The following MAP3K20 variants were observed in gnomAD, a reference collection of about 807,000 sequenced individuals.
The protein encoded by MAP3K20 is HCCS-4.
In MAP3K20, 40 loss-of-function variants were observed where a neutral mutation model predicts 85.7. The observed-to-expected ratio is 0.47, with a 90% CI of 0.36 to 0.61. The LOEUF is 0.61. MAP3K20 is among the 20% of genes least tolerant of loss of function. The pLI, the probability that MAP3K20 is intolerant of heterozygous loss-of-function variation, is 0.00. For synonymous variants in MAP3K20, 325 were observed against 327.7 expected, an observed-to-expected ratio of 0.99 and a Z score of 0.09; for missense variants, 817 against 961.7, an observed-to-expected ratio of 0.85 and a Z score of 1.99.
intron 12 of MAP3K20, 98 bp from the exon 13 acceptor site, chr2:173,232,094 A>T: frequency 7.0e-7 from 1 of 1,437,668 alleles, no homozygotes; most frequent in Admixed American, 1.8e-5. Flanking sequence ...CCAGGAATTA[A>T]AGTTATTTTG....
intron 2 of MAP3K20, among the ~76,000 whole-genome samples, chr2:173,120,701 C>CTT (rs56084110): frequency 0.034 from 1,647 of 48,856 alleles, 56 homozygotes; most frequent in East Asian, 0.04. Flanking sequence ...ACTCTCACTT[C>CTT]TTTTTTTTTT....
chr2:173,134,428 A>ATATATATT (rs56330241), intron 2 of MAP3K20, among the ~76,000 whole-genome samples: 2 of 3,156 alleles, frequency 6.3e-4, no homozygotes, highest in African/African-American at 1.0e-3. Context: ...ATATATATAT[A>ATATATATT]TTTTTTTTTT....
intron 14 of MAP3K20, 60 bp from the exon 15 acceptor site, chr2:173,238,313 A>G: frequency 6.9e-7 from 1 of 1,446,648 alleles, no homozygotes; most frequent in Non-Finnish European, 9.6e-7. Flanking sequence ...GTACCCAATG[A>G]TTTTAGTCTT....
intron 2 of MAP3K20, among the ~76,000 whole-genome samples, chr2:173,155,697 A>G (rs1018417047): frequency 2.0e-5 from 3 of 152,106 alleles, no homozygotes; most frequent in Non-Finnish European, 4.4e-5. Flanking sequence ...ATACTTAGAG[A>G]TTGGTAGCAT....
intron 2 of MAP3K20, among the ~76,000 whole-genome samples, chr2:173,149,091 T>C (rs6735275): frequency 0.29 from 43,984 of 152,188 alleles, 6,698 homozygotes; most frequent in African/African-American, 0.36. Context: ...TAGAAATATT[T>C]ATAATGATAG....
intron 9 of MAP3K20, among the ~76,000 whole-genome samples, chr2:173,205,609 G>C (rs1683659052): frequency 6.6e-6 from 1 of 152,168 alleles, no homozygotes; most frequent in South Asian, 2.1e-4. Context: ...TAACTTGGAA[G>C]AATTTGTTGC....
At chr2:173,091,246 T>C in intron 2 of MAP3K20, 56 bp downstream of exon 2, 2 of 1,572,036 alleles carry the variant, frequency 1.3e-6, no homozygotes, top group African/African-American at 2.7e-5. Context: ...GTAAGCTTTT[T>C]CAACCTCGAG....
At chr2:173,222,204 TCAAAAAA>T (rs1181763215) in intron 11 of MAP3K20, 1 of 955,472 alleles carries the variant, frequency 1.0e-6, no homozygotes, top group African/African-American at 1.8e-5. Flanking sequence ...AGATCCTGTC[TCAAAAAA>T]CAAAAAAAAG....
At chr2:173,105,446 G>A (rs1687758145) in intron 2 of MAP3K20, among the ~76,000 whole-genome samples, 1 of 152,074 alleles carries the variant, frequency 6.6e-6, no homozygotes, top group Non-Finnish European at 1.5e-5. Context: ...GTTCTTTTTT[G>A]ATACAAACAA....
At chr2:173,172,943 G>T (rs535733219) in intron 3 of MAP3K20, among the ~76,000 whole-genome samples, 185 of 151,976 alleles carry the variant, frequency 1.2e-3, no homozygotes, top group Non-Finnish European at 1.0e-4. Context: ...GACTACAGGC[G>T]TGCGCCACCA....
intron 7 of MAP3K20, among the ~76,000 whole-genome samples, chr2:173,193,892 A>C (rs1214475070): frequency 6.6e-6 from 1 of 152,180 alleles, no homozygotes; most frequent in Non-Finnish European, 1.5e-5. Flanking sequence ...AATGCTTAAC[A>C]AACCATCCTA....
At chr2:173,219,837 G>C (rs187421236) in intron 11 of MAP3K20, among the ~76,000 whole-genome samples, 1 of 152,082 alleles carries the variant, frequency 6.6e-6, no homozygotes, top group African/African-American at 2.4e-5. Context: ...GGGAGGCTGA[G>C]GGGGGTGGAT....
intron 16 of MAP3K20, among the ~76,000 whole-genome samples, chr2:173,241,723 T>A (rs1037342145): frequency 6.6e-6 from 1 of 152,200 alleles, no homozygotes; most frequent in African/African-American, 2.4e-5. Context: ...TATGCAAGAA[T>A]GTGTCTTGCC....
In MAP3K20 at chr2:173,090,578, G is replaced by A. The variant is rs906211581; in HGVS notation, c.-34-420G>A. On this transcript the variant is annotated intron_variant, in intron 1 of 19. Coordinates refer to ENST00000375213, the MANE Select transcript of MAP3K20 (RefSeq NM_016653.3). Reference sequence around the variant, plus strand: ...TGTGTATATTTTGTGTGAAGTGAGTGCAGCGTGGAGAGGTGGCATGCCTCA... The same window carrying A: ...TGTGTATATTTTGTGTGAAGTGAGTACAGCGTGGAGAGGTGGCATGCCTCA... 8 of 977,380 alleles carry A rather than the reference G, an allele frequency of 8.2e-6. No homozygotes were observed. In the African/African-American group the frequency reaches 1.4e-4, roughly 17 times the overall value. 60.5% of individuals were successfully genotyped at this position (977,380 alleles called of 1,614,324 possible).
chr2:173,179,597 G>C (rs538019332), intron 3 of MAP3K20, among the ~76,000 whole-genome samples: 2 of 152,054 alleles, frequency 1.3e-5, no homozygotes, highest in South Asian at 4.2e-4. Flanking sequence ...GAAGGTTTTA[G>C]CCAGTGTGAT....
chr2:173,078,055 A>G (rs1686913725), intron 1 of MAP3K20, among the ~76,000 whole-genome samples: 2 of 152,366 alleles, frequency 1.3e-5, no homozygotes, highest in South Asian at 4.1e-4. Flanking sequence ...TCATCAGAGA[A>G]AACACTGAAA....
At chr2:173,256,547 A>AGACAGACC (rs1168204857) in intron 16 of MAP3K20, among the ~76,000 whole-genome samples, 8 of 151,458 alleles carry the variant, frequency 5.3e-5, no homozygotes, top group African/African-American at 2.0e-4. Context: ...ACAGACAGAC[A>AGACAGACC]GATAGAGAGA....
chr2:173,197,003 G>T (rs1340227493), intron 7 of MAP3K20, among the ~76,000 whole-genome samples: 1 of 151,930 alleles, frequency 6.6e-6, no homozygotes. Flanking sequence ...ATAAAATAAG[G>T]GTAAGATGTA....
At position 173,086,834 on chromosome 2, in the gene MAP3K20, T is replaced by C. The variant is rs567147802; in HGVS notation, c.-34-4164T>C. ...TCATCCTGCTTCAGACCTCTGCCTT[T>C]GTTTTGGAAAGGATTTCTCTACTCC... On this transcript the variant is annotated intron_variant, in intron 1 of 19. Coordinates refer to ENST00000375213, the MANE Select transcript of MAP3K20 (RefSeq NM_016653.3). Among the ~76,000 whole-genome samples the C allele has an allele frequency of 5.1e-4, 77 of 152,352 alleles. No individual in the cohort carries two copies. In the South Asian group the frequency reaches 0.015, roughly 30 times the overall value.
Sources: allele counts gnomAD v4.1 joint callset (sites outside exome capture counted in the v4.1 genomes callset), GRCh38; gene constraint gnomAD v4.1.1; transcripts MANE v1.5; gene names NCBI Gene and HGNC (gene_info 2026-07-23, HGNC 2026-07-21).